The following HACD2 variants were observed in gnomAD, a reference collection of about 807,000 sequenced individuals.
HACD2 encodes very-long-chain (3R)-3-hydroxyacyl-CoA dehydratase 2.
In HACD2, 15 loss-of-function variants were observed where a neutral mutation model predicts 31.0. That is an observed-to-expected ratio of 0.48 (90% CI 0.32 to 0.75). The LOEUF (loss-of-function observed/expected upper bound fraction) is 0.75. Ranked by LOEUF, HACD2 falls within the 30% of genes least tolerant of loss-of-function variation. The probability of loss-of-function intolerance (pLI) is 0.03; values close to 1 mark genes in which losing one functional copy is unlikely to be tolerated. For synonymous variants in HACD2, 115 were observed against 122.2 expected (o/e 0.94, Z 0.39); for missense variants, 283 against 313.0 (o/e 0.90, Z 0.72).
Position 123,516,421 on chromosome 3 carries a change from AG to A in HACD2, c.381+11964del, listed in dbSNP as rs572528820. On this transcript the variant is annotated intron_variant, in intron 4 of 6. Coordinates refer to ENST00000383657, the MANE Select transcript of HACD2 (RefSeq NM_198402.5). ...GGCTAATTTTTTGTATTTTTAGTAG[AG>A]ATGGGGTTTCACCGTGTTAGCCAGG... Among the ~76,000 whole-genome samples, 538 of 151,970 alleles carry A rather than the reference AG, an allele frequency of 3.5e-3. 4 individuals are homozygous for A. Among genetic ancestry groups the A allele is most frequent in the African/African-American group, 0.012 (477 of 41,440 alleles).
At chr3:123,562,624 G>C (rs994122713) in intron 3 of HACD2, among the ~76,000 whole-genome samples, 1 of 152,102 alleles carries the variant, frequency 6.6e-6, no homozygotes, top group Non-Finnish European at 1.5e-5. Flanking sequence ...TGTTCTTCAT[G>C]CATTTTTCCA....
chr3:123,564,546 TAGA>T (rs2056770769), intron 3 of HACD2, among the ~76,000 whole-genome samples: 1 of 152,124 alleles, frequency 6.6e-6, no homozygotes, highest in South Asian at 2.1e-4. Context: ...ACAGTGTCCT[TAGA>T]ATCCAGTAGA....
rs529001770 is a variant in HACD2, at chr3:123,514,656, A to G, written c.382-11975T>C. 1.2e-4 allele frequency among the ~76,000 whole-genome samples: 19 copies of G among 152,300 alleles called. No homozygotes were observed. The East Asian group carries it at 3.3e-3, about 26-fold the overall frequency. ...GAACAGCAGAATGAACACTGGCCCC[A>G]ATCTACCTCCCCATCAGTATTGTCT... On this transcript the variant is annotated intron_variant, in intron 4 of 6. Transcript: ENST00000383657.
chr3:123,504,183 AAATAT>A (rs1332794286), intron 4 of HACD2, among the ~76,000 whole-genome samples: 2 of 152,208 alleles, frequency 1.3e-5, no homozygotes, highest in Non-Finnish European at 2.9e-5. Context: ...ATCTATAACA[AAATAT>A]AATATAAATA....
At chr3:123,572,828 T>G (rs2056869714) in intron 2 of HACD2, among the ~76,000 whole-genome samples, 1 of 152,178 alleles carries the variant, frequency 6.6e-6, no homozygotes, top group Admixed American at 6.5e-5. Flanking sequence ...CTGCAGCCCA[T>G]GGACTTAATG....
chr3:123,547,124 G>T (rs1450739221), intron 3 of HACD2, among the ~76,000 whole-genome samples: 1 of 152,156 alleles, frequency 6.6e-6, no homozygotes, highest in Non-Finnish European at 1.5e-5. Context: ...AGATATAAAT[G>T]AAGTATTTAA....
rs773307100 is a variant in HACD2 at position 123,528,511 on chromosome 3, G to A, written c.293-37C>T. On this transcript the variant is annotated intron_variant, in intron 3 of 6. Transcript: ENST00000383657. ...TTTGGGATGGATAAATAAATGTACTGTACTAAGTTTCGATATATAATATAT... is the reference window on the plus strand; with the variant it reads ...TTTGGGATGGATAAATAAATGTACTATACTAAGTTTCGATATATAATATAT... The A allele has an allele frequency of 4.2e-6, 5 of 1,186,176 alleles. No individual in the cohort carries two copies. In the East Asian group the frequency reaches 9.3e-5, roughly 22 times the overall value. 73.5% of individuals were successfully genotyped at this position (1,186,176 alleles called of 1,614,324 possible). A position where few individuals can be genotyped will look rare whatever the true frequency, so the allele number is the denominator to read the frequency against.
chr3:123,503,250 G>A (rs184723462), intron 4 of HACD2, among the ~76,000 whole-genome samples: 264 of 148,526 alleles, frequency 1.8e-3, no homozygotes, highest in Middle Eastern at 6.9e-3. Flanking sequence ...GGGTGACAGA[G>A]TGAGACTGTC....
intron 4 of HACD2, among the ~76,000 whole-genome samples, chr3:123,517,794 G>T (rs959003548): frequency 5.9e-5 from 9 of 152,068 alleles, no homozygotes; most frequent in Non-Finnish European, 1.5e-5. Flanking sequence ...AATTTCAAAA[G>T]GTGGGGAAAA....
chr3:123,581,624 C>T (rs920988562), intron 2 of HACD2, among the ~76,000 whole-genome samples: 1 of 152,208 alleles, frequency 6.6e-6, no homozygotes, highest in African/African-American at 2.4e-5. Flanking sequence ...GTAAATTAAT[C>T]CTGTATCTGT....
At chr3:123,539,994 G>A (rs916282475) in intron 3 of HACD2, among the ~76,000 whole-genome samples, 2 of 147,068 alleles carry the variant, frequency 1.4e-5, no homozygotes, top group East Asian at 4.0e-4. Context: ...GGCTGAGACG[G>A]GAGGATCACT....
chr3:123,503,370 T>C (rs1460965170), intron 4 of HACD2, among the ~76,000 whole-genome samples: 1 of 152,012 alleles, frequency 6.6e-6, no homozygotes, highest in African/African-American at 2.4e-5. Context: ...GCCCATTTAT[T>C]TCCTCCCATT....
intron 3 of HACD2, among the ~76,000 whole-genome samples, chr3:123,543,011 G>GGT (rs901431505): frequency 6.6e-6 from 1 of 152,162 alleles, no homozygotes; most frequent in Non-Finnish European, 1.5e-5. Context: ...TTGGGGGAAG[G>GGT]GTGTGTGTAT....
intron 4 of HACD2, among the ~76,000 whole-genome samples, chr3:123,522,714 G>A (rs1669743461): frequency 6.7e-6 from 1 of 150,098 alleles, no homozygotes. Flanking sequence ...TGAAGGTGAT[G>A]TAAATCCACC....
In HACD2 at chr3:123,495,021, C is replaced by T. The variant is rs58941056; in HGVS notation, c.683-51G>A. On this transcript the variant is annotated intron_variant, in intron 6 of 6. Coordinates refer to ENST00000383657, the MANE Select transcript of HACD2 (RefSeq NM_198402.5). ...AGAGGATGGTTTAAAATTGCATATG[C>T]TCTATTTAAAGCATATGAAGTTGAG... is the stretch of plus-strand genomic sequence containing the variant. 170 of 1,139,676 alleles carry T rather than the reference C, an allele frequency of 1.5e-4. No homozygotes were observed. The African/African-American group carries it at 2.3e-3, about 16-fold the overall frequency. 70.6% of individuals were successfully genotyped at this position (1,139,676 alleles called of 1,614,324 possible). A position where few individuals can be genotyped will look rare whatever the true frequency, so the allele number is the denominator to read the frequency against.
chr3:123,521,428 A>C (rs1035080552), intron 4 of HACD2, among the ~76,000 whole-genome samples: 2 of 152,112 alleles, frequency 1.3e-5, no homozygotes, highest in Non-Finnish European at 2.9e-5. Flanking sequence ...TCAGGACCGT[A>C]GGATATTTTT....
At chr3:123,542,214 T>C (rs927204929) in intron 3 of HACD2, among the ~76,000 whole-genome samples, 2 of 113,272 alleles carry the variant, frequency 1.8e-5, no homozygotes, top group Non-Finnish European at 3.9e-5. Flanking sequence ...AAGATGCTAA[T>C]AGGCAAATGA....
At chr3:123,517,059 T>C (rs2056147208) in intron 4 of HACD2, among the ~76,000 whole-genome samples, 2 of 152,226 alleles carry the variant, frequency 1.3e-5, no homozygotes, top group African/African-American at 4.8e-5. Context: ...GCCCTTGCCA[T>C]TTAAGCAGTT....
chr3:123,527,568 T>C (rs916595143), intron 4 of HACD2, among the ~76,000 whole-genome samples: 1 of 152,216 alleles, frequency 6.6e-6, no homozygotes, highest in Admixed American at 6.5e-5. Flanking sequence ...AGAGTAGTGA[T>C]GCTGGCAATT....
Sources: allele counts gnomAD v4.1 joint callset (sites outside exome capture counted in the v4.1 genomes callset), GRCh38; gene constraint gnomAD v4.1.1; transcripts MANE v1.5; gene names NCBI Gene and HGNC (gene_info 2026-07-23, HGNC 2026-07-21).